The following SLFN12L variants were observed in gnomAD, a reference collection of about 807,000 sequenced individuals.
SLFN12L encodes the protein schlafen family member 12 like, also known as schlafen family member 12-like.
A neutral mutation model predicts 34.8 loss-of-function variants in SLFN12L; 34 were observed. The observed-to-expected ratio is 0.98, with a 90% confidence interval of 0.74 to 1.30. SLFN12L has a LOEUF of 1.30. Ranked by LOEUF, SLFN12L falls within the 50% of genes most tolerant of loss-of-function variation. The pLI, the probability that SLFN12L is intolerant of heterozygous loss-of-function variation, is 0.00. For synonymous variants in SLFN12L, 259 were observed against 247.5 expected (o/e 1.05, Z -0.44); for missense variants, 703 against 696.2 (o/e 1.01, Z -0.11).
chr17:35,493,052 G>A (rs757699420), intron 2 of SLFN12L, among the ~76,000 whole-genome samples: 3 of 152,180 alleles, frequency 2.0e-5, no homozygotes, highest in Admixed American at 1.3e-4. Flanking sequence ...AAGTGGTGGT[G>A]GGGTCAAGAC....
At position 35,469,898 on chromosome 17, in the gene SLFN12L, A is replaced by T. The variant is rs1913777709; in HGVS notation, c.*5025T>A. On this transcript the variant is annotated 3_prime_UTR_variant, in exon 5 of 5. Coordinates refer to ENST00000628453, the MANE Select transcript of SLFN12L (RefSeq NM_001363830.2). ...TAAGCTGTTCCCCCTGCCCAGCTGG[A>T]CCTTTCCCACAGAAACCCTAATAAT... Among the ~76,000 whole-genome samples, 1 of 152,082 alleles carries T rather than the reference A, an allele frequency of 6.6e-6. No individual in the cohort carries two copies. The highest frequency in any genetic ancestry group is 1.5e-5 in the Non-Finnish European group (1 of 68,016).
Position 35,512,177 on chromosome 17 carries a change from C to T in SLFN12L, c.86+10102G>A, listed in dbSNP as rs1188261515. On this transcript the variant is annotated intron_variant, in intron 2 of 4. Transcript: ENST00000628453. Reference sequence around the variant, plus strand: ...TTTTTTTTTTTTTTTTTTTTTGAGACGGAGTCTCGCTCTGTCGCCCAGGCT... The same window carrying T: ...TTTTTTTTTTTTTTTTTTTTTGAGATGGAGTCTCGCTCTGTCGCCCAGGCT... 6.3e-5 allele frequency among the ~76,000 whole-genome samples: 5 copies of T among 79,046 alleles called. 1 individual carries two copies. Among genetic ancestry groups the T allele is most frequent in the Admixed American group, 1.7e-4 (1 of 5,900 alleles). 51.9% of individuals were successfully genotyped at this position (79,046 alleles called of 152,430 possible).
chr17:35,483,572 G>T (rs1914443593), intron 2 of SLFN12L, among the ~76,000 whole-genome samples: 2 of 152,222 alleles, frequency 1.3e-5, no homozygotes, highest in Non-Finnish European at 1.5e-5. Flanking sequence ...ATAAATTTCT[G>T]TTATTTATAA....
At chr17:35,527,153 A>G (rs2072344598) in intron 1 of SLFN12L, among the ~76,000 whole-genome samples, 1 of 152,224 alleles carries the variant, frequency 6.6e-6, no homozygotes, top group Non-Finnish European at 1.5e-5. Context: ...TCCCAAGTCT[A>G]AACCAGGAAG....
At chr17:35,488,208 C>CA (rs1031137551) in intron 2 of SLFN12L, among the ~76,000 whole-genome samples, 8 of 151,482 alleles carry the variant, frequency 5.3e-5, no homozygotes, top group East Asian at 1.9e-4. Flanking sequence ...GACTCCGTCT[C>CA]AAAAAAAAAT....
intron 2 of SLFN12L, among the ~76,000 whole-genome samples, chr17:35,517,323 A>G (rs1275273047): frequency 6.6e-6 from 1 of 152,226 alleles, no homozygotes; most frequent in African/African-American, 2.4e-5. Flanking sequence ...AGAATAAAAT[A>G]CCTAGGAATA....
At position 35,469,301 on chromosome 17, in the gene SLFN12L, TAAAA is replaced by T. The variant is rs1597822510; in HGVS notation, c.*5618_*5621del. 1.5e-5 allele frequency among the ~76,000 whole-genome samples: 2 copies of T among 137,052 alleles called. No homozygotes were observed. Among genetic ancestry groups the T allele is most frequent in the East Asian group, 4.2e-4 (2 of 4,758 alleles). 89.9% of individuals were successfully genotyped at this position (137,052 alleles called of 152,430 possible). A position where few individuals can be genotyped will look rare whatever the true frequency, so the allele number is the denominator to read the frequency against. On this transcript the variant is annotated 3_prime_UTR_variant, in exon 5 of 5. Transcript: ENST00000628453. The stretch of plus-strand genomic sequence containing the variant: ...CTGTTTTATATAAAATATATATATA[TAAAA>T]TATATATATATTATATATATAAATA...
rs538924610 is a variant in SLFN12L at position 35,518,820 on chromosome 17, C to T, written c.86+3459G>A. 8.1e-4 allele frequency among the ~76,000 whole-genome samples: 123 copies of T among 152,286 alleles called. 1 individual carries two copies. The highest frequency in any genetic ancestry group is 2.8e-3 in the African/African-American group (116 of 41,560). On this transcript the variant is annotated intron_variant, in intron 2 of 4. Transcript: ENST00000628453. ...CCTCAAGGATCTAACACCAGAAATA[C>T]CATTTAACCAAGCAATCCCATTACT...
chr17:35,487,692 A>G (rs1355932253), intron 2 of SLFN12L: 1 of 1,501,106 alleles, frequency 6.7e-7, no homozygotes, highest in Non-Finnish European at 8.8e-7. Flanking sequence ...TTCTAAGGCG[A>G]AAAAAAAGTT....
chr17:35,479,585 C>T lies in SLFN12L; in HGVS notation c.697G>A (p.Gly233Ser), dbSNP rs770482423. 11 of 1,613,276 alleles carry T rather than the reference C, an allele frequency of 6.8e-6. No homozygotes were observed. The South Asian group carries it at 1.1e-4, about 16-fold the overall frequency. The change falls in exon 3 of 5, where the codon GGT becomes AGT. Residue 233 changes from glycine to serine, a missense_variant. Physicochemically the swap from Gly to Ser is moderately conservative, Grantham distance 56. Coordinates refer to ENST00000628453, the MANE Select transcript of SLFN12L (RefSeq NM_001363830.2). ...GTAAAGGTCAATTTTTCTTTATAAC[C>T]AAGTTCTGTTCTGTTAAAAAAATCA... ...AADFFNRTEL[G>S]YKEKLTFTES...
intron 2 of SLFN12L, among the ~76,000 whole-genome samples, chr17:35,519,884 G>A (rs530230547): frequency 4.6e-5 from 7 of 152,076 alleles, no homozygotes; most frequent in Admixed American, 4.6e-4. Context: ...AACCTTAAAA[G>A]TTGAATTTGC....
At position 35,522,591 on chromosome 17, in the gene SLFN12L, C is replaced by T. The variant is rs1280705532; in HGVS notation, c.-227G>A. 6 of 1,608,882 alleles carry T rather than the reference C, an allele frequency of 3.7e-6. No homozygotes were observed. The highest frequency in any genetic ancestry group is 2.2e-5 in the South Asian group (2 of 90,512). On this transcript the variant is annotated 5_prime_UTR_variant, in exon 2 of 5. Transcript: ENST00000628453. ...GCTGGGTGCCTGCAAAACTATAGGA[C>T]GCAGGGTAATCCATCGGAGACACTG...
At chr17:35,500,263 T>C (rs1335908545) in intron 2 of SLFN12L, 1 of 152,244 alleles carries the variant, frequency 6.6e-6, no homozygotes, top group Non-Finnish European at 1.5e-5. Context: ...GTCTGATTCC[T>C]ACGTAGAAGC....
Position 35,479,704 on chromosome 17 carries a change from T to C in SLFN12L, c.578A>G (p.Lys193Arg). 8.7e-6 allele frequency: 14 copies of C among 1,614,058 alleles called. No homozygotes were observed. Among genetic ancestry groups the C allele is most frequent in the Non-Finnish European group, 1.2e-5 (14 of 1,179,956 alleles). Reference sequence around the variant, plus strand: ...TCTTAAATATGCTCTCCCTCCAGTTTTTTCCATGTCTTTGAGGAACTCCAG... The same window carrying C: ...TCTTAAATATGCTCTCCCTCCAGTTCTTTCCATGTCTTTGAGGAACTCCAG... ...AALEFLKDME[K>R]TGGRAYLRPE... Residue 193 changes from lysine to arginine, a missense_variant, in exon 3 of 5, where the codon AAA becomes AGA. By Grantham distance (26) the Lys-to-Arg change is conservative. Transcript: ENST00000628453.
At chr17:35,494,239 C>A (rs1235718074) in intron 2 of SLFN12L, among the ~76,000 whole-genome samples, 3 of 140,248 alleles carry the variant, frequency 2.1e-5, no homozygotes, top group Non-Finnish European at 3.2e-5. Flanking sequence ...AAAAAAAAAA[C>A]AACAAAAAAG....
At chr17:35,512,758 T>A (rs1915694998) in intron 2 of SLFN12L, among the ~76,000 whole-genome samples, 1 of 152,246 alleles carries the variant, frequency 6.6e-6, no homozygotes, top group Non-Finnish European at 1.5e-5. Flanking sequence ...TGCACTTGGC[T>A]TAATCAACTG....
At chr17:35,516,323 A>T (rs1405810120) in intron 2 of SLFN12L, among the ~76,000 whole-genome samples, 2 of 152,234 alleles carry the variant, frequency 1.3e-5, no homozygotes, top group Admixed American at 6.5e-5. Context: ...TAGGAACCTC[A>T]GTGCACCAGG....
Position 35,530,405 on chromosome 17 carries a change from GGAAGGAAGGA to G in SLFN12L, c.-606+7158_-606+7167del, listed in dbSNP as rs1567693452. On this transcript the variant is annotated intron_variant, in intron 1 of 4. Coordinates refer to ENST00000628453, the MANE Select transcript of SLFN12L (RefSeq NM_001363830.2). ...AGGAAGGAAGGAAGGAAGGAAGGAAGGAAGGAAGGAAGGAAGGAAGGAAGGGAAGGGAAGG... is the reference window on the plus strand; with the variant it reads ...AGGAAGGAAGGAAGGAAGGAAGGAAGAGGAAGGAAGGAAGGGAAGGGAAGG... Among the ~76,000 whole-genome samples the G allele has an allele frequency of 2.6e-3, 29 of 11,334 alleles. 4 individuals carry two copies. Among genetic ancestry groups the G allele is most frequent in the Non-Finnish European group, 3.7e-3 (21 of 5,698 alleles). 7.4% of individuals were successfully genotyped at this position (11,334 alleles called of 152,430 possible). A position where few individuals can be genotyped will look rare whatever the true frequency, so the allele number is the denominator to read the frequency against.
At chr17:35,502,486 A>G (rs1162661275) in intron 2 of SLFN12L, among the ~76,000 whole-genome samples, 1 of 150,658 alleles carries the variant, frequency 6.6e-6, no homozygotes, top group Admixed American at 6.6e-5. Flanking sequence ...TTAACCCAGC[A>G]GGTTTCCCAA....
Sources: allele counts gnomAD v4.1 joint callset (sites outside exome capture counted in the v4.1 genomes callset), GRCh38; gene constraint gnomAD v4.1.1; transcripts MANE v1.5; gene names NCBI Gene and HGNC (gene_info 2026-07-23, HGNC 2026-07-21).